Variants in RALB observed in about 807,000 individuals in gnomAD.
RALB encodes the protein RAS like proto-oncogene B, also known as ras-related protein Ral-B.
A neutral mutation model predicts 21.3 loss-of-function variants in RALB; 16 were observed. The observed-to-expected ratio is 0.75, with a 90% CI of 0.51 to 1.14. The LOEUF (loss-of-function observed/expected upper bound fraction) is 1.14. RALB is among the 50% of genes most tolerant of loss of function. The pLI is 0.00. For synonymous variants in RALB, 93 were observed against 96.1 expected, an observed-to-expected ratio of 0.97 and a Z score of 0.19; for missense variants, 161 against 256.2, an observed-to-expected ratio of 0.63 and a Z score of 2.54.
chr2:120,289,256 G>A lies in RALB; in HGVS notation c.324-324G>A, dbSNP rs1024754790. Among the ~76,000 whole-genome samples, 8 of 125,326 alleles carry A rather than the reference G, an allele frequency of 6.4e-5. No individual in the cohort carries two copies. The Middle Eastern group carries it at 0.016, about 245-fold the overall frequency. 82.2% of individuals were successfully genotyped at this position (125,326 alleles called of 152,430 possible). On this transcript the variant is annotated intron_variant, in intron 3 of 4. Transcript: ENST00000272519. ...TTTTCTTCTTTTTGTTTTTTTTTTT[G>A]TGTGTGCATAAGTTGGGGACCCTGT...
At chr2:120,275,592 A>T (rs1206631652) in intron 1 of RALB, among the ~76,000 whole-genome samples, 1 of 152,140 alleles carries the variant, frequency 6.6e-6, no homozygotes, top group Admixed American at 6.5e-5. Flanking sequence ...TAAGAATGGG[A>T]ACCACTGATT....
intron 2 of RALB, among the ~76,000 whole-genome samples, chr2:120,280,181 A>G (rs751292222): frequency 1.7e-4 from 26 of 152,228 alleles, no homozygotes; most frequent in Non-Finnish European, 3.5e-4. Flanking sequence ...AGTGAAGCTC[A>G]ATAGAGGTTT....
chr2:120,286,158 A>G, intron 3 of RALB, 76 bp downstream of exon 3: 1 of 1,288,594 alleles, frequency 7.8e-7, no homozygotes, highest in Non-Finnish European at 1.1e-6. Flanking sequence ...CCTATGAAGA[A>G]TTTGGGGCTG....
Position 120,293,143 on chromosome 2 carries a change from G to A in RALB, c.504G>A (p.Val168=). The A allele has an allele frequency of 1.2e-6, 2 of 1,607,546 alleles. No individual in the cohort carries two copies. The highest frequency in any genetic ancestry group is 4.5e-5 in the East Asian group (2 of 44,598). Residue 168 remains valine, a splice_region_variant and synonymous_variant, in exon 5 of 5, where the codon GTG becomes GTA. Transcript: ENST00000272519. Reference sequence around the variant, plus strand: ...TACTCTTTACTCCTCACCCCCAGGTGTTCTTTGACCTAATGAGAGAAATCA... The same window carrying A: ...TACTCTTTACTCCTCACCCCCAGGTATTCTTTGACCTAATGAGAGAAATCA... The part of the protein sequence containing the change: ...SAKTRANVDK[V]FFDLMREIRT...
chr2:120,255,326 C>T (rs934725), intron 1 of RALB, among the ~76,000 whole-genome samples: 105,196 of 151,478 alleles, frequency 0.69, 37,094 homozygotes, highest in Middle Eastern at 0.8. Context: ...GAGAGCCGAG[C>T]ACAGAGGAAA....
intron 1 of RALB, among the ~76,000 whole-genome samples, chr2:120,270,615 C>CG (rs11415553): frequency 0.69 from 105,592 of 151,966 alleles, 37,282 homozygotes; most frequent in Middle Eastern, 0.8. Context: ...TGGTTAAAAT[C>CG]GGTTAGTTTT....
upstream of RALB, chr2:120,252,841 T>C (rs1473761242): frequency 4.1e-6 from 4 of 985,418 alleles, no homozygotes; most frequent in South Asian, 9.4e-5. Context: ...GGAGGCGCGC[T>C]CGGGGGGTGG....
In RALB at chr2:120,293,321, G is replaced by A; in HGVS notation, c.*61G>A. On this transcript the variant is annotated 3_prime_UTR_variant, in exon 5 of 5. Coordinates refer to ENST00000272519, the MANE Select transcript of RALB (RefSeq NM_002881.3). ...GGACACAGGGCTGGGTTGGTAAAGA[G>A]AAGGCTATGGTTGACTTCTTGCTTG... 6.6e-7 allele frequency: 1 copy of A among 1,504,316 alleles called. No individual in the cohort carries two copies. Among genetic ancestry groups the A allele is most frequent in the Non-Finnish European group, 8.9e-7 (1 of 1,126,808 alleles). 93.2% of individuals were successfully genotyped at this position (1,504,316 alleles called of 1,614,324 possible).
At chr2:120,278,502 A>G in intron 1 of RALB, 116 bp from the exon 2 acceptor site, 1 of 1,012,602 alleles carries the variant, frequency 9.9e-7, no homozygotes. Flanking sequence ...TGAAAGGATT[A>G]CTTTCCTGTT....
intron 1 of RALB, among the ~76,000 whole-genome samples, chr2:120,266,402 G>A (rs1285312001): frequency 1.3e-5 from 2 of 152,116 alleles, no homozygotes; most frequent in Admixed American, 6.6e-5. Context: ...GTGCCACTAC[G>A]CCCAGCTAAT....
chr2:120,284,952 G>A (rs1214013889), intron 2 of RALB, among the ~76,000 whole-genome samples: 1 of 152,100 alleles, frequency 6.6e-6, no homozygotes, highest in Non-Finnish European at 1.5e-5. Flanking sequence ...TGCAGCGTGC[G>A]TTGGTACTAC....
intron 1 of RALB, among the ~76,000 whole-genome samples, chr2:120,272,537 C>T (rs1486381218): frequency 6.6e-6 from 1 of 152,196 alleles, no homozygotes; most frequent in Non-Finnish European, 1.5e-5. Flanking sequence ...TGTATGGATT[C>T]ACAGGATGGT....
chr2:120,248,625 C>T (rs1558943643), upstream of RALB, among the ~76,000 whole-genome samples: 1 of 152,352 alleles, frequency 6.6e-6, no homozygotes, highest in East Asian at 1.9e-4. Flanking sequence ...CCAACCCTCA[C>T]AGCCCAATCT....
At chr2:120,269,685 A>G (rs1342556106) in intron 1 of RALB, among the ~76,000 whole-genome samples, 1 of 152,152 alleles carries the variant, frequency 6.6e-6, no homozygotes, top group Non-Finnish European at 1.5e-5. Flanking sequence ...CCAAGTCTCC[A>G]CTCGACCCAG....
At chr2:120,255,998 C>T (rs1200867864) in intron 1 of RALB, among the ~76,000 whole-genome samples, 1 of 152,152 alleles carries the variant, frequency 6.6e-6, no homozygotes, top group African/African-American at 2.4e-5. Context: ...TAAAGTTTGC[C>T]TACCTTTTGA....
At chr2:120,289,821 C>T (rs1269092898) in intron 4 of RALB, 64 bp downstream of exon 4, 1 of 1,450,448 alleles carries the variant, frequency 6.9e-7, no homozygotes, top group African/African-American at 1.4e-5. Context: ...GGAGGCATCT[C>T]ATCTGCTGGG....
intron 1 of RALB, among the ~76,000 whole-genome samples, chr2:120,260,499 G>A (rs370580050): frequency 1.2e-3 from 178 of 152,362 alleles, no homozygotes; most frequent in African/African-American, 3.6e-3. Flanking sequence ...CCTCAGGTTC[G>A]TAAGTTGTCT....
At chr2:120,252,182 A>AT (rs920709016), upstream of RALB, among the ~76,000 whole-genome samples, 6 of 151,764 alleles carry the variant, frequency 4.0e-5, no homozygotes, top group South Asian at 2.1e-4. Context: ...GCTGTACTGG[A>AT]TACAAAATCA....
chr2:120,278,556 C>A, intron 1 of RALB, 62 bp from the exon 2 acceptor site: 1 of 1,327,370 alleles, frequency 7.5e-7, no homozygotes, highest in Non-Finnish European at 9.8e-7. Flanking sequence ...ATGTGAATGA[C>A]ATTTGGTTTT....
Sources: gnomAD v4.1 joint callset for allele counts (sites outside exome capture counted in the v4.1 genomes callset) on GRCh38, gnomAD v4.1.1 for gene constraint, MANE v1.5 for transcripts, NCBI Gene and HGNC (gene_info 2026-07-23, HGNC 2026-07-21) for gene names.